The following SHTN1 variants were observed in gnomAD, a reference collection of about 807,000 sequenced individuals.
The protein encoded by SHTN1 is shootin 1, also known as shootin-1.
A neutral mutation model predicts 83.1 loss-of-function variants in SHTN1; 42 were observed. The ratio of observed to expected loss-of-function variants is 0.51; its 90% CI spans 0.39 to 0.65. The LOEUF (loss-of-function observed/expected upper bound fraction) is 0.65. Ranked by LOEUF, SHTN1 falls within the 30% of genes least tolerant of loss-of-function variation. The pLI is 0.00. For synonymous variants in SHTN1, 224 were observed against 247.7 expected, an observed-to-expected ratio of 0.90 and a Z score of 0.90; for missense variants, 622 against 737.8, an observed-to-expected ratio of 0.84 and a Z score of 1.82.
At chr10:116,901,706 A>G (rs1246210373) in intron 16 of SHTN1, 59 bp downstream of exon 16, 1 of 1,431,756 alleles carries the variant, frequency 7.0e-7, no homozygotes, top group African/African-American at 1.5e-5. Flanking sequence ...AAAGAAACAC[A>G]CAAGTTAGTC....
At chr10:117,123,285 AG>A (rs962458840) in intron 1 of SHTN1, among the ~76,000 whole-genome samples, 50 of 152,274 alleles carry the variant, frequency 3.3e-4, no homozygotes, top group African/African-American at 1.2e-3. Context: ...TTTAAAAGGC[AG>A]GGGTTCTATC....
chr10:117,070,167 G>A (rs1301329817), intron 1 of SHTN1, among the ~76,000 whole-genome samples: 2 of 151,500 alleles, frequency 1.3e-5, no homozygotes, highest in African/African-American at 4.9e-5. Flanking sequence ...GCCCATAATG[G>A]ACCCCGAAGT....
chr10:117,082,847 T>C lies in SHTN1; in HGVS notation c.-188-34337A>G, dbSNP rs1487290561. On this transcript the variant is annotated intron_variant, in intron 1 of 17. Coordinates refer to the SHTN1 transcript ENST00000392901. ...GTTTAAAGTCTGTCTTATCAGAGAC[T>C]AGGATTGCAACCCCTGCCTTTTTTT... Among the ~76,000 whole-genome samples, 3 of 151,730 alleles carry C rather than the reference T, an allele frequency of 2.0e-5. No individual in the cohort carries two copies. The East Asian group carries it at 5.9e-4, about 30-fold the overall frequency.
chr10:116,983,633 C>CAGAT lies in SHTN1; in HGVS notation c.59-4329_59-4326dup, dbSNP rs145452456. Among the ~76,000 whole-genome samples the CAGAT allele has an allele frequency of 1.8e-3, 255 of 142,616 alleles. 2 individuals are homozygous for CAGAT. The highest frequency in any genetic ancestry group is 6.5e-3 in the African/African-American group (240 of 36,904). The allele number at this position is 142,616 out of a possible 152,430, so 93.6% of individuals were successfully genotyped here. Reference sequence around the variant, plus strand: ...TATTCTGGGGTAGAGCCTGGGCATCCAGATAGATAGATAGATAGATAGATA... The same window carrying CAGAT: ...TATTCTGGGGTAGAGCCTGGGCATCCAGATAGATAGATAGATAGATAGATAGATA... On this transcript the variant is annotated intron_variant, in intron 1 of 16. Transcript: ENST00000355371.
intron 3 of SHTN1, among the ~76,000 whole-genome samples, chr10:116,964,778 T>C (rs1242694945): frequency 1.3e-5 from 2 of 151,832 alleles, no homozygotes; most frequent in Non-Finnish European, 2.9e-5. Flanking sequence ...AGGTCAGGAG[T>C]TCGAGACCAG....
chr10:116,941,101 C>A (rs1264693749), intron 8 of SHTN1, among the ~76,000 whole-genome samples: 1 of 152,104 alleles, frequency 6.6e-6, no homozygotes, highest in Non-Finnish European at 1.5e-5. Flanking sequence ...GTAGACACTA[C>A]TATCATCTAA....
intron 1 of SHTN1, among the ~76,000 whole-genome samples, chr10:117,056,052 T>C (rs1427552526): frequency 6.6e-6 from 1 of 152,174 alleles, no homozygotes; most frequent in Admixed American, 6.6e-5. Context: ...AATAGTCCTA[T>C]AACCATCAAA....
intron 13 of SHTN1, among the ~76,000 whole-genome samples, chr10:116,914,212 G>C (rs1390542696): frequency 1.3e-5 from 2 of 152,180 alleles, no homozygotes; most frequent in African/African-American, 4.8e-5. Context: ...GGTGGCTCAT[G>C]CCTGTAATCC....
intron 10 of SHTN1, among the ~76,000 whole-genome samples, chr10:116,928,527 T>A (rs963795380): frequency 2.0e-5 from 3 of 152,220 alleles, no homozygotes; most frequent in Non-Finnish European, 4.4e-5. Flanking sequence ...ACAGGAGACG[T>A]AACACCTGAC....
intron 16 of SHTN1, among the ~76,000 whole-genome samples, chr10:116,891,263 G>C (rs2133303343): frequency 6.6e-6 from 1 of 152,310 alleles, no homozygotes. Context: ...AATGGTTTGA[G>C]GCATAAATGC....
intron 7 of SHTN1, among the ~76,000 whole-genome samples, chr10:116,948,672 C>T (rs1849670696): frequency 6.6e-6 from 1 of 152,066 alleles, no homozygotes; most frequent in African/African-American, 2.4e-5. Context: ...AATAGTATTT[C>T]GGTTTGAAGT....
At chr10:116,983,655 GATAGATAGATA>G (rs1851112986) in intron 1 of SHTN1, among the ~76,000 whole-genome samples, 1 of 84,372 alleles carries the variant, frequency 1.2e-5, no homozygotes, top group South Asian at 5.6e-4. Flanking sequence ...TAGATAGATA[GATAGATAGATA>G]GATAGATAGA....
At chr10:116,983,337 C>T (rs1283169437) in intron 1 of SHTN1, among the ~76,000 whole-genome samples, 3 of 152,030 alleles carry the variant, frequency 2.0e-5, no homozygotes, top group African/African-American at 7.2e-5. Flanking sequence ...CAGCAAAGTA[C>T]CTCAAATTCT....
intron 4 of SHTN1, among the ~76,000 whole-genome samples, chr10:116,958,709 A>G (rs946323564): frequency 3.9e-5 from 6 of 152,204 alleles, no homozygotes; most frequent in Non-Finnish European, 8.8e-5. Flanking sequence ...GGGGAGACAG[A>G]ATAAAGTAAT....
rs192194289 is a variant in SHTN1, at chr10:117,090,584, A to G, written c.-189+35723T>C. On this transcript the variant is annotated intron_variant, in intron 1 of 17. Transcript: ENST00000392901. ...TGTATTTTCCACAATTTGAAATAAA[A>G]CAAAACAATCACCATTGGGTGGGCT... 1.2e-3 allele frequency among the ~76,000 whole-genome samples: 181 copies of G among 152,342 alleles called. 1 individual carries two copies. The highest frequency in any genetic ancestry group is 4.2e-3 in the African/African-American group (175 of 41,572).
At chr10:116,979,223 TAAGA>T in intron 2 of SHTN1, 29 bp downstream of exon 2, 1 of 1,589,212 alleles carries the variant, frequency 6.3e-7, no homozygotes, top group Non-Finnish European at 8.6e-7. Flanking sequence ...TTTACACATG[TAAGA>T]AAGGGGAAAA....
chr10:117,014,176 G>A, intron 2 of SHTN1, among the ~76,000 whole-genome samples: 1 of 152,088 alleles, frequency 6.6e-6, no homozygotes, highest in East Asian at 1.9e-4. Context: ...GGAATACAAG[G>A]GAATTTTTAG....
At chr10:116,927,956 G>T in intron 10 of SHTN1, 65 bp from the exon 11 acceptor site, 1 of 1,540,704 alleles carries the variant, frequency 6.5e-7, no homozygotes, top group Non-Finnish European at 8.8e-7. Context: ...TTATACATGT[G>T]AAAAAAAGAA....
intron 1 of SHTN1, among the ~76,000 whole-genome samples, chr10:117,112,504 A>G (rs1044703098): frequency 3.3e-5 from 5 of 152,182 alleles, no homozygotes; most frequent in Non-Finnish European, 5.9e-5. Flanking sequence ...AAAATTTACA[A>G]ATACATTACA....
Sources: gnomAD v4.1 joint callset for allele counts (sites outside exome capture counted in the v4.1 genomes callset) on GRCh38, gnomAD v4.1.1 for gene constraint, MANE v1.5 for transcripts, NCBI Gene and HGNC (gene_info 2026-07-23, HGNC 2026-07-21) for gene names.